The following FGF14 variants were observed in gnomAD, a reference collection of about 807,000 sequenced individuals.
FGF14 encodes the protein fibroblast growth factor 14.
In FGF14, 5 loss-of-function variants were observed where a neutral mutation model predicts 25.5. The ratio of observed to expected loss-of-function variants is 0.20; its 90% confidence interval spans 0.10 to 0.41. FGF14 has a LOEUF of 0.41. Among genes scored for constraint, FGF14 ranks in the 10% least tolerant of loss-of-function variants. The probability of loss-of-function intolerance (pLI) is 1.00; values close to 1 mark genes in which losing one functional copy is unlikely to be tolerated. For missense variants in FGF14, 222 were observed against 320.1 expected, an observed-to-expected ratio of 0.69 and a Z score of 2.34; for synonymous variants, 138 against 118.3, an observed-to-expected ratio of 1.17 and a Z score of -1.08.
At chr13:102,359,288 A>C (rs1255857123) in intron 1 of FGF14, among the ~76,000 whole-genome samples, 2 of 152,218 alleles carry the variant, frequency 1.3e-5, no homozygotes, top group Non-Finnish European at 2.9e-5. Context: ...TACGCAATAA[A>C]GCTGCACATC....
intron 3 of FGF14, among the ~76,000 whole-genome samples, chr13:101,792,386 C>G (rs1291002608): frequency 6.6e-6 from 1 of 152,054 alleles, no homozygotes; most frequent in Non-Finnish European, 1.5e-5. Flanking sequence ...CTCAGGTTGA[C>G]AACTGATGCA....
intron 1 of FGF14, among the ~76,000 whole-genome samples, chr13:101,876,776 T>C (rs2045418523): frequency 6.6e-6 from 1 of 152,106 alleles, no homozygotes; most frequent in African/African-American, 2.4e-5. Context: ...CCAAATCACA[T>C]AATTCTAAGA....
At chr13:101,866,785 G>A (rs907851262) in intron 3 of FGF14, among the ~76,000 whole-genome samples, 1 of 152,042 alleles carries the variant, frequency 6.6e-6, no homozygotes. Flanking sequence ...ATTCATAATC[G>A]CTTTTGGTTT....
At chr13:102,141,113 A>G (rs1322610668) in intron 1 of FGF14, among the ~76,000 whole-genome samples, 2 of 152,212 alleles carry the variant, frequency 1.3e-5, no homozygotes, top group Non-Finnish European at 2.9e-5. Context: ...CTAGAAATAG[A>G]CCTACTCTCT....
intron 3 of FGF14, among the ~76,000 whole-genome samples, chr13:101,774,780 C>T (rs1032751954): frequency 9.9e-5 from 15 of 151,956 alleles, no homozygotes; most frequent in South Asian, 4.2e-4. Context: ...GGGCCAGGCA[C>T]GGTGGCTCAT....
intron 1 of FGF14, among the ~76,000 whole-genome samples, chr13:101,952,436 T>A (rs190741943): frequency 2.6e-5 from 4 of 152,290 alleles, no homozygotes; most frequent in African/African-American, 7.2e-5. Flanking sequence ...CTGTCTTTAT[T>A]GTCTGAAAGA....
chr13:101,808,492 G>A (rs1042168305), intron 3 of FGF14, among the ~76,000 whole-genome samples: 2 of 152,136 alleles, frequency 1.3e-5, no homozygotes, highest in South Asian at 2.1e-4. Context: ...TTACAATAGT[G>A]AATTTGTGAT....
chr13:102,329,147 T>C (rs563388127), intron 1 of FGF14, among the ~76,000 whole-genome samples: 6 of 152,174 alleles, frequency 3.9e-5, no homozygotes, highest in Non-Finnish European at 7.4e-5. Context: ...GTTGCATTAA[T>C]ACCCATGAGC....
At chr13:101,872,518 T>G (rs2045155948) in intron 2 of FGF14, among the ~76,000 whole-genome samples, 2 of 151,920 alleles carry the variant, frequency 1.3e-5, no homozygotes, top group Admixed American at 1.3e-4. Flanking sequence ...TTTCATAAGA[T>G]TCATGAGACT....
chr13:101,810,848 G>A (rs576087460), intron 3 of FGF14, among the ~76,000 whole-genome samples: 1 of 152,176 alleles, frequency 6.6e-6, no homozygotes, highest in Non-Finnish European at 1.5e-5. Context: ...CTTTCCGTAA[G>A]ATGCTGTAGG....
chr13:102,178,114 C>T (rs2048520519), intron 1 of FGF14, among the ~76,000 whole-genome samples: 1 of 152,042 alleles, frequency 6.6e-6, no homozygotes, highest in African/African-American at 2.4e-5. Flanking sequence ...CCCTCATATC[C>T]CAGTGCCCTG....
chr13:101,758,594 A>C (rs1375408467), intron 3 of FGF14, among the ~76,000 whole-genome samples: 4 of 152,212 alleles, frequency 2.6e-5, no homozygotes, highest in Non-Finnish European at 5.9e-5. Flanking sequence ...TAAAGACACA[A>C]TAACTAAATA....
intron 1 of FGF14, among the ~76,000 whole-genome samples, chr13:102,322,863 G>A (rs892650429): frequency 2.6e-5 from 4 of 151,056 alleles, no homozygotes; most frequent in African/African-American, 7.3e-5. Flanking sequence ...ACCTCTTCCA[G>A]TCTATCACCA....
chr13:101,947,478 A>C (rs970358532), intron 1 of FGF14, among the ~76,000 whole-genome samples: 2 of 152,254 alleles, frequency 1.3e-5, no homozygotes, highest in African/African-American at 4.8e-5. Context: ...AATGTGATAC[A>C]TATATACCAT....
intron 1 of FGF14, among the ~76,000 whole-genome samples, chr13:101,978,449 C>CTAA (rs2038060060): frequency 1.3e-5 from 2 of 151,952 alleles, no homozygotes; most frequent in African/African-American, 2.4e-5. Context: ...AAATAGCATC[C>CTAA]AAAAAACACT....
Position 101,797,743 on chromosome 13 carries a change from G to A in FGF14, c.409-70933C>T, listed in dbSNP as rs936392349. On this transcript the variant is annotated intron_variant, in intron 3 of 4. Transcript: ENST00000376143. ...GAGAATGTCATGAATTGATGTGTGT[G>A]TGTGTGTGTGTGTGTGTGTGTGTGT... Among the ~76,000 whole-genome samples, 15 of 144,454 alleles carry A rather than the reference G, an allele frequency of 1.0e-4. 1 individual carries two copies. In the East Asian group the frequency reaches 1.6e-3, roughly 15 times the overall value. The allele number at this position is 144,454 out of a possible 152,430, so 94.8% of individuals were successfully genotyped here.
intron 3 of FGF14, among the ~76,000 whole-genome samples, chr13:101,846,634 C>T (rs538668858): frequency 6.6e-6 from 1 of 152,046 alleles, no homozygotes; most frequent in Non-Finnish European, 1.5e-5. Flanking sequence ...TCTTAAAATT[C>T]AGATTTCTCC....
chr13:102,401,356 T>C, intron 1 of FGF14: 1 of 959,832 alleles, frequency 1.0e-6, no homozygotes, highest in Non-Finnish European at 1.7e-6. Flanking sequence ...AACACTGTCC[T>C]GGTTCCTGGT....
At chr13:102,055,034 G>A (rs1479810688) in intron 1 of FGF14, among the ~76,000 whole-genome samples, 1 of 152,144 alleles carries the variant, frequency 6.6e-6, no homozygotes, top group Non-Finnish European at 1.5e-5. Context: ...GTCCCATGGA[G>A]AAATACAGTT....
Sources: gnomAD v4.1 joint callset for allele counts (sites outside exome capture counted in the v4.1 genomes callset) on GRCh38, gnomAD v4.1.1 for gene constraint, MANE v1.5 for transcripts, NCBI Gene and HGNC (gene_info 2026-07-23, HGNC 2026-07-21) for gene names.